PIK3C2B: variants seen among roughly 807,000 people sequenced by gnomAD.
PIK3C2B encodes the protein phosphatidylinositol 4-phosphate 3-kinase C2 domain-containing subunit beta.
In PIK3C2B, 83 loss-of-function variants were observed where a neutral mutation model predicts 184.3. That is an observed-to-expected ratio of 0.45 (90% CI 0.38 to 0.54). The LOEUF is 0.54. Ranked by LOEUF, PIK3C2B falls within the 20% of genes least tolerant of loss-of-function variation. The pLI, the probability that PIK3C2B is intolerant of heterozygous loss-of-function variation, is 0.00. For synonymous variants in PIK3C2B, 779 were observed against 837.6 expected, an observed-to-expected ratio of 0.93 and a Z score of 1.21; for missense variants, 1,736 against 2,113.5, an observed-to-expected ratio of 0.82 and a Z score of 3.50.
intron 28 of PIK3C2B, 130 bp downstream of exon 28, chr1:204,431,539 G>T: frequency 8.5e-7 from 1 of 1,172,208 alleles, no homozygotes; most frequent in Admixed American, 1.8e-5. Context: ...TCCATACCAG[G>T]CCAAGCAAAG....
chr1:204,427,961 C>A (rs1307802509), intron 30 of PIK3C2B, among the ~76,000 whole-genome samples, 178 bp downstream of exon 30: 1 of 152,174 alleles, frequency 6.6e-6, no homozygotes, highest in African/African-American at 2.4e-5. Flanking sequence ...CTGTGGGGAA[C>A]CCAGGTAAGG....
Position 204,440,175 on chromosome 1 carries a change from C to T in PIK3C2B, c.3379+17G>A. 6.2e-7 allele frequency: 1 copy of T among 1,609,426 alleles called. No homozygotes were observed. The highest frequency in any genetic ancestry group is 8.5e-7 in the Non-Finnish European group (1 of 1,177,610). On this transcript the variant is annotated intron_variant, in intron 22 of 32. Transcript: ENST00000684373. ...AAGCGGTCCCCTCCTCCACCCTCACCCCTACTCCCAACTGACCTCTGCCCC... is the reference window on the plus strand; with the variant it reads ...AAGCGGTCCCCTCCTCCACCCTCACTCCTACTCCCAACTGACCTCTGCCCC...
At chr1:204,430,118 T>C (rs1558230303) in intron 28 of PIK3C2B, 80 bp from the exon 29 acceptor site, 1 of 894,870 alleles carries the variant, frequency 1.1e-6, no homozygotes, top group South Asian at 1.4e-5. Context: ...TTTTTTCACA[T>C]TTCATTTGCG....
intron 31 of PIK3C2B, among the ~76,000 whole-genome samples, chr1:204,426,779 T>C (rs1674764331): frequency 6.6e-6 from 1 of 152,166 alleles, no homozygotes; most frequent in African/African-American, 2.4e-5. Flanking sequence ...CCTCCTGCCA[T>C]ATCCCACTGC....
intron 1 of PIK3C2B, among the ~76,000 whole-genome samples, chr1:204,481,969 G>A (rs1473819725): frequency 1.3e-5 from 2 of 152,160 alleles, no homozygotes; most frequent in African/African-American, 4.8e-5. Flanking sequence ...TTACACAGGG[G>A]TGTGAGAGGT....
At chr1:204,485,501 C>T (rs1657511190) in intron 1 of PIK3C2B, among the ~76,000 whole-genome samples, 3 of 152,004 alleles carry the variant, frequency 2.0e-5, no homozygotes, top group Admixed American at 2.0e-4. Context: ...TGTCTCCTTG[C>T]TGACCCCCTA....
chr1:204,439,139 A>T, intron 22 of PIK3C2B, 68 bp from the exon 23 acceptor site: 1 of 1,522,496 alleles, frequency 6.6e-7, no homozygotes, highest in Admixed American at 1.7e-5. Flanking sequence ...GAGGACTACA[A>T]GGACTGTGCT....
At chr1:204,455,131 C>T (rs1048105518) in intron 11 of PIK3C2B, among the ~76,000 whole-genome samples, 14 of 152,200 alleles carry the variant, frequency 9.2e-5, no homozygotes, top group African/African-American at 1.4e-4. Flanking sequence ...CACGTGCATG[C>T]GCAAGTGAGA....
Position 204,469,369 on chromosome 1 carries a change from C to G in PIK3C2B, c.434G>C (p.Gly145Ala). 1 of 1,530,634 alleles carries G rather than the reference C, an allele frequency of 6.5e-7. No individual in the cohort carries two copies. The highest frequency in any genetic ancestry group is 8.8e-7 in the Non-Finnish European group (1 of 1,142,518). 94.8% of individuals were successfully genotyped at this position (1,530,634 alleles called of 1,614,324 possible). ...TTTCTTGCAAGAGCCCTCTATGTCC[C>G]CTGGTCCTGGGGACGAAGAGACTCC... Reference protein sequence around the residue: ...DGGVSSSPGPGDIEGSCKKLS... With the variant: ...DGGVSSSPGPADIEGSCKKLS... The change falls in exon 2 of 33, where the codon GGG (glycine) becomes GCG (alanine). Residue 145 changes from glycine to alanine, a missense_variant. Physicochemically the swap from Gly to Ala is moderately conservative, Grantham distance 60. Transcript: ENST00000684373.
intron 16 of PIK3C2B, among the ~76,000 whole-genome samples, chr1:204,444,857 A>C (rs1165467291): frequency 2.6e-5 from 4 of 152,264 alleles, no homozygotes; most frequent in Non-Finnish European, 4.4e-5. Flanking sequence ...ACAGTATTTT[A>C]TATAAGCCAA....
At position 204,465,319 on chromosome 1, in the gene PIK3C2B, C is replaced by A. The variant is rs1292276430; in HGVS notation, c.934G>T (p.Val312Leu). Residue 312 changes from valine (V) to leucine (L), a missense_variant and splice_region_variant, in exon 3 of 33, where the codon GTG becomes TTG. Around this residue, in one of 8 missense-constraint regions of PIK3C2B, gnomAD observed 404 missense variants for 418.0 expected, o/e 0.97. Coordinates refer to ENST00000684373, the MANE Select transcript of PIK3C2B (RefSeq NM_001377334.1). ...GKNRRISAAP[V>L]GSRPHTVANG... ...GCAACAGTGTGGGGCCGGGAGCCCACCTTTAAGAGAAGAGCAGACGACTCA... is the reference window on the plus strand; with the variant it reads ...GCAACAGTGTGGGGCCGGGAGCCCAACTTTAAGAGAAGAGCAGACGACTCA... 6.2e-7 allele frequency: 1 copy of A among 1,606,142 alleles called. No individual in the cohort carries two copies. Among genetic ancestry groups the A allele is most frequent in the Admixed American group, 1.7e-5 (1 of 59,966 alleles).
At position 204,447,657 on chromosome 1, in the gene PIK3C2B, C is replaced by G. The variant is rs1221411782; in HGVS notation, c.2347-79G>C. ...TCCCAGCTTCTTTCTCTCACCCCAG[C>G]ATTCCGGCCTTGTCCCTCCCTCACT... On this transcript the variant is annotated intron_variant, in intron 14 of 32. Coordinates refer to ENST00000684373, the MANE Select transcript of PIK3C2B (RefSeq NM_001377334.1). This position sits in a 1 kb window ranked among gnomAD's most constrained non-coding sequence, Gnocchi z 4.1. 1 of 1,020,152 alleles carries G rather than the reference C, an allele frequency of 9.8e-7. No individual in the cohort carries two copies. The highest frequency in any genetic ancestry group is 1.5e-6 in the Non-Finnish European group (1 of 670,884). The allele number at this position is 1,020,152 out of a possible 1,614,324, so 63.2% of individuals were successfully genotyped here.
At chr1:204,489,327 C>T (rs1657849775) in intron 1 of PIK3C2B, among the ~76,000 whole-genome samples, 1 of 151,932 alleles carries the variant, frequency 6.6e-6, no homozygotes, top group African/African-American at 2.4e-5. Context: ...GCCATCACAC[C>T]CTAATTGTTT....
intron 20 of PIK3C2B, among the ~76,000 whole-genome samples, chr1:204,441,799 T>C (rs1675677329): frequency 6.6e-6 from 1 of 152,224 alleles, no homozygotes; most frequent in African/African-American, 2.4e-5. Context: ...CCTCCCATCC[T>C]GTTAGTTCAT....
Position 204,468,960 on chromosome 1 carries a change from G to A in PIK3C2B, c.843C>T (p.Pro281=). The change falls in exon 2 of 33, where the codon CCC becomes CCT. Residue 281 remains proline (P), a synonymous_variant. Coordinates refer to ENST00000684373, the MANE Select transcript of PIK3C2B (RefSeq NM_001377334.1). ...CATAGGTGCGGGGGGGCACCTGAGG[G>A]GGCATAGTCTTGCTCCTGGCCACGG... ...GKPVARSKTM[P]PQVPPRTYAS... is the part of the protein sequence containing the mutation. The A allele has an allele frequency of 1.9e-6, 3 of 1,614,148 alleles. No homozygotes were observed. The highest frequency in any genetic ancestry group is 2.5e-6 in the Non-Finnish European group (3 of 1,180,002).
chr1:204,455,812 C>G (rs763632700), intron 11 of PIK3C2B, 44 bp downstream of exon 11: 1 of 1,508,234 alleles, frequency 6.6e-7, no homozygotes, highest in Admixed American at 1.9e-5. Flanking sequence ...TGGTGGAGGT[C>G]AAACTCAGCT....
chr1:204,444,950 A>G (rs1050695099), intron 16 of PIK3C2B, among the ~76,000 whole-genome samples: 1 of 152,244 alleles, frequency 6.6e-6, no homozygotes, highest in Admixed American at 6.5e-5. Context: ...ATGGATAGGT[A>G]CATTTTGATT....
At chr1:204,428,247 T>C (rs751377704) in intron 29 of PIK3C2B, 27 bp from the exon 30 acceptor site, 1 of 1,440,996 alleles carries the variant, frequency 6.9e-7, no homozygotes, top group African/African-American at 1.4e-5. Flanking sequence ...AACAGGGCCA[T>C]TCTTCAATAA....
chr1:204,434,068 G>C (rs534382688), intron 24 of PIK3C2B, 119 bp from the exon 25 acceptor site: 2 of 769,560 alleles, frequency 2.6e-6, no homozygotes, highest in African/African-American at 1.7e-5. Flanking sequence ...GGATAGAAGG[G>C]GCTCTAACTT....
Sources: allele counts gnomAD v4.1 joint callset (sites outside exome capture counted in the v4.1 genomes callset), GRCh38; gene constraint gnomAD v4.1.1; regional missense constraint gnomAD v4.1.1; non-coding constraint Gnocchi (gnomAD v3.1); transcripts MANE v1.5; gene names NCBI Gene and HGNC (gene_info 2026-07-23, HGNC 2026-07-21).